NOTCH3: variants seen among roughly 807,000 people sequenced by gnomAD.
NOTCH3 encodes the protein neurogenic locus notch homolog protein 3.
A neutral mutation model predicts 213.3 loss-of-function variants in NOTCH3; 86 were observed. That is an observed-to-expected ratio of 0.40 (90% confidence interval 0.34 to 0.48). NOTCH3 has a LOEUF of 0.48. Ranked by LOEUF, NOTCH3 falls within the 20% of genes least tolerant of loss-of-function variation. The pLI, the probability that NOTCH3 is intolerant of heterozygous loss-of-function variation, is 0.57. For synonymous variants in NOTCH3, 1,354 were observed against 1,355.9 expected, an observed-to-expected ratio of 1.00 and a Z score of 0.03; for missense variants, 2,783 against 3,272.6, an observed-to-expected ratio of 0.85 and a Z score of 3.65.
At chr19:15,162,608 G>A (rs920813207) in intron 31 of NOTCH3, 46 bp from the exon 32 acceptor site, 2 of 1,501,156 alleles carry the variant, frequency 1.3e-6, no homozygotes, top group Non-Finnish European at 1.9e-6. Flanking sequence ...ACCTGTCCTG[G>A]GGCCCCCATG....
chr19:15,190,186 A>C (rs1385759986), intron 6 of NOTCH3, among the ~76,000 whole-genome samples: 1 of 152,144 alleles, frequency 6.6e-6, no homozygotes, highest in Non-Finnish European at 1.5e-5. Context: ...AGGTGGGAGG[A>C]TCACTTGAGC....
At chr19:15,180,599 C>G in intron 19 of NOTCH3, 82 bp downstream of exon 19, 1 of 1,479,658 alleles carries the variant, frequency 6.8e-7, no homozygotes, top group South Asian at 1.2e-5. Context: ...TGTGGCACCC[C>G]CATTCGGCTC....
rs1255386444 is a variant in NOTCH3 at position 15,189,285 on chromosome 19, C to G, written c.1180G>C (p.Glu394Gln). Residue 394 changes from glutamate (E) to glutamine (Q), a missense_variant, in exon 7 of 33, where the codon GAG becomes CAG. Physicochemically the swap from Glu to Gln is conservative, Grantham distance 29 (BLOSUM62 2). This residue lies in a region of NOTCH3 where 708 missense variants were observed against 906.6 expected (regional missense o/e 0.78). Transcript: ENST00000263388. Reference sequence around the variant, plus strand: ...GAGCTCCCCTCACCGATAGAGCACTCGTCCACATCCTGGTCACATGCCCCA... The same window carrying G: ...GAGCTCCCCTCACCGATAGAGCACTGGTCCACATCCTGGTCACATGCCCCA... ...TGGACDQDVD[E>Q]CSIGANPCEH... 1 of 1,613,966 alleles carries G rather than the reference C, an allele frequency of 6.2e-7. No individual in the cohort carries two copies. The highest frequency in any genetic ancestry group is 1.7e-5 in the Admixed American group (1 of 60,010).
chr19:15,187,067 T>C lies in NOTCH3; in HGVS notation c.1840+38A>G, dbSNP rs959774424. On this transcript the variant is annotated intron_variant, in intron 11 of 32. Transcript: ENST00000263388. ...ACCATTCCCAAACCCTCTGTGCCCC[T>C]CCAGGTGTGCTGTTTCTGCCCCAGC... 4 of 1,606,892 alleles carry C rather than the reference T, an allele frequency of 2.5e-6. No individual in the cohort carries two copies. The African/African-American group carries it at 5.4e-5, about 22-fold the overall frequency.
rs1599361324 is a variant in NOTCH3, at chr19:15,162,480, G to A, written c.5898C>T (p.Asp1966=). Residue 1966 remains aspartate, a synonymous_variant, in exon 32 of 33, where the codon GAC becomes GAT. Transcript: ENST00000263388. The part of the protein sequence containing the change: ...LALLKNGANK[D]MQDSKEETPL... Reference sequence around the variant, plus strand: ...TGGGGCTCACCTTGCTATCCTGCATGTCCTTATTGGCTCCATTTTTGAGCA... The same window carrying A: ...TGGGGCTCACCTTGCTATCCTGCATATCCTTATTGGCTCCATTTTTGAGCA... The A allele has an allele frequency of 1.2e-6, 2 of 1,613,390 alleles. No homozygotes were observed. Among genetic ancestry groups the A allele is most frequent in the Non-Finnish European group, 1.7e-6 (2 of 1,179,788 alleles).
chr19:15,161,842 C>T lies in NOTCH3; in HGVS notation c.5914-128G>A, dbSNP rs114377485. ...AGCTTGACAGACCTGGGTTAAATCC[C>T]GGCTGTGCTGGGGGAGCCTGGACAA... On this transcript the variant is annotated intron_variant, in intron 32 of 32. Transcript: ENST00000263388. 2.3e-3 allele frequency: 1,787 copies of T among 773,760 alleles called. 17 individuals carry two copies. The African/African-American group carries it at 0.026, about 11-fold the overall frequency. The allele number at this position is 773,760 out of a possible 1,614,324, so 47.9% of individuals were successfully genotyped here.
rs1031506714 is a variant in NOTCH3 at position 15,165,912 on chromosome 19, G to A, written c.5542C>T (p.Arg1848Cys). The change falls in exon 30 of 33, where the codon CGT (arginine) becomes TGT (cysteine). Residue 1848 changes from arginine to cysteine, a missense_variant. Physicochemically the swap from Arg to Cys is radical, Grantham distance 180. Around this residue, in one of 6 missense-constraint regions of NOTCH3, gnomAD observed 636 missense variants for 801.8 expected, o/e 0.79. Transcript: ENST00000263388. The surrounding 1 kb of genome is among the most constrained non-coding windows in gnomAD (Gnocchi z 4.7). ...TGETALHLAA[R>C]YARADAAKRL... ...TTGGCTGCATCAGCACGGGCATAACGGGCAGCCAGGTGCAAAGCAGTCTCG... is the reference window on the plus strand; with the variant it reads ...TTGGCTGCATCAGCACGGGCATAACAGGCAGCCAGGTGCAAAGCAGTCTCG... The A allele has an allele frequency of 3.7e-6, 6 of 1,613,986 alleles. No individual in the cohort carries two copies. Among genetic ancestry groups the A allele is most frequent in the Non-Finnish European group, 3.4e-6 (4 of 1,180,024 alleles).
At chr19:15,186,064 G>A (rs550109595) in intron 12 of NOTCH3, among the ~76,000 whole-genome samples, 23 of 150,744 alleles carry the variant, frequency 1.5e-4, no homozygotes, top group African/African-American at 4.1e-4. Context: ...GCACCACCAC[G>A]TCTGGCTAAT....
At chr19:15,179,729 A>G in intron 20 of NOTCH3, 1 of 594,192 alleles carries the variant, frequency 1.7e-6, no homozygotes, top group South Asian at 2.0e-5. Flanking sequence ...GAAAAATACA[A>G]AAATTAGCTG....
chr19:15,195,938 G>C (rs964045700), intron 2 of NOTCH3, among the ~76,000 whole-genome samples: 1 of 151,290 alleles, frequency 6.6e-6, no homozygotes, highest in Non-Finnish European at 1.5e-5. Context: ...ACCTAGTTAG[G>C]GGGGGCACGG....
rs150338460 is a variant in NOTCH3, at chr19:15,181,619, C to G, written c.2749G>C (p.Gly917Arg). The change falls in exon 17 of 33, where the codon GGA becomes CGA. Residue 917 changes from glycine (G) to arginine (R), a missense_variant. Transcript: ENST00000263388. Reference protein sequence around the residue: ...SFTCTCPPGYGGFHCEQDLPD... With the variant: ...SFTCTCPPGYRGFHCEQDLPD... Reference sequence around the variant, plus strand: ...AGGTCCTGTTCGCAGTGGAAGCCTCCGTAGCCTGGCGGGCAGGTGCAGGTG... The same window carrying G: ...AGGTCCTGTTCGCAGTGGAAGCCTCGGTAGCCTGGCGGGCAGGTGCAGGTG... 13 of 1,550,766 alleles carry G rather than the reference C, an allele frequency of 8.4e-6. No homozygotes were observed. The African/African-American group carries it at 9.6e-5, about 11-fold the overall frequency.
intron 2 of NOTCH3, 36 bp downstream of exon 2, chr19:15,197,464 A>AC: frequency 4.7e-6 from 3 of 636,960 alleles, no homozygotes; most frequent in Non-Finnish European, 8.1e-6. Flanking sequence ...GCCCCCACAC[A>AC]CAGGGCCCAC....
At chr19:15,189,513 G>A in intron 6 of NOTCH3, 85 bp from the exon 7 acceptor site, 1 of 1,529,178 alleles carries the variant, frequency 6.5e-7, no homozygotes, top group Non-Finnish European at 9.0e-7. Context: ...TTTTGTCGTT[G>A]TTGTTGTTTT....
chr19:15,169,397 C>T (rs1426274956), intron 28 of NOTCH3, among the ~76,000 whole-genome samples: 1 of 151,746 alleles, frequency 6.6e-6, no homozygotes, highest in African/African-American at 2.4e-5. Flanking sequence ...TTAGGTCACC[C>T]ATGCTGTGGG....
chr19:15,171,285 T>A (rs1054891852), intron 25 of NOTCH3, among the ~76,000 whole-genome samples: 5 of 152,196 alleles, frequency 3.3e-5, no homozygotes, highest in Non-Finnish European at 7.3e-5. Context: ...TGCCTTGGCC[T>A]CCCAAAGTGC....
Position 15,160,554 on chromosome 19 carries a change from G to C in NOTCH3, c.*108C>G, listed in dbSNP as rs1046583919. ...AGGCAAGGATGCAGGAGGGTTGGTGGAAAGAGAAGAGGATGAAAAAGACTA... is the reference window on the plus strand; with the variant it reads ...AGGCAAGGATGCAGGAGGGTTGGTGCAAAGAGAAGAGGATGAAAAAGACTA... On this transcript the variant is annotated 3_prime_UTR_variant, in exon 33 of 33. Transcript: ENST00000263388. The C allele has an allele frequency of 1.1e-6, 1 of 950,614 alleles. No individual in the cohort carries two copies. The allele number at this position is 950,614 out of a possible 1,614,324, so 58.9% of individuals were successfully genotyped here.
chr19:15,173,744 A>AAG (rs1568351744), intron 25 of NOTCH3, among the ~76,000 whole-genome samples: 1 of 2,948 alleles, frequency 3.4e-4, no homozygotes, highest in African/African-American at 2.3e-3. Context: ...AAAAAAAAGA[A>AAG]AAGAAGAAGG....
chr19:15,170,417 G>A lies in NOTCH3; in HGVS notation c.5028C>T (p.Phe1676=), dbSNP rs2046722003. The A allele has an allele frequency of 6.2e-7, 1 of 1,613,208 alleles. No homozygotes were observed. The highest frequency in any genetic ancestry group is 2.2e-5 in the East Asian group (1 of 44,880). ...CCTTGTGCAGTGAGAAGCCCTCAGG[G>A]AACCAGAGGGTGCTGTGCTCGCGCT... ...RRKREHSTLW[F]PEGFSLHKDV... The change falls in exon 27 of 33, where the codon TTC becomes TTT. Residue 1676 remains phenylalanine, a synonymous_variant. Transcript: ENST00000263388.
At chr19:15,171,089 C>G (rs1270256057) in intron 25 of NOTCH3, among the ~76,000 whole-genome samples, 1 of 152,324 alleles carries the variant, frequency 6.6e-6, no homozygotes, top group East Asian at 1.9e-4. Context: ...TGCAGTGGTG[C>G]GATCTCGGCT....
Sources: allele counts gnomAD v4.1 joint callset (sites outside exome capture counted in the v4.1 genomes callset), GRCh38; gene constraint gnomAD v4.1.1; regional missense constraint gnomAD v4.1.1; non-coding constraint Gnocchi (gnomAD v3.1); transcripts MANE v1.5; gene names NCBI Gene and HGNC (gene_info 2026-07-23, HGNC 2026-07-21).